Variants in FILIP1L observed in about 807,000 individuals in gnomAD.
FILIP1L encodes the protein filamin A-interacting protein 1-like.
In FILIP1L, 55 loss-of-function variants were observed where a neutral mutation model predicts 96.6. That is an observed-to-expected ratio of 0.57 (90% CI 0.46 to 0.71). The LOEUF (loss-of-function observed/expected upper bound fraction) is 0.71. Among genes scored for constraint, FILIP1L ranks in the 30% least tolerant of loss-of-function variants. The pLI, the probability that FILIP1L is intolerant of heterozygous loss-of-function variation, is 0.00. For missense variants in FILIP1L, 1,304 were observed against 1,321.2 expected (o/e 0.99, Z 0.20); for synonymous variants, 467 against 473.9 (o/e 0.99, Z 0.19).
intron 1 of FILIP1L, among the ~76,000 whole-genome samples, chr3:99,971,119 C>T (rs1176365722): frequency 6.6e-6 from 1 of 152,134 alleles, no homozygotes; most frequent in East Asian, 1.9e-4. Flanking sequence ...GGGCGGATCA[C>T]TAGGTCAGGA....
chr3:100,054,132 T>C (rs1353425503), intron 1 of FILIP1L, among the ~76,000 whole-genome samples: 1 of 152,212 alleles, frequency 6.6e-6, no homozygotes, highest in East Asian at 1.9e-4. Context: ...GCTTTCAAGA[T>C]AGCATGTAGT....
At chr3:99,835,855 C>T (rs942621626) in intron 5 of FILIP1L, among the ~76,000 whole-genome samples, 4 of 152,076 alleles carry the variant, frequency 2.6e-5, no homozygotes, top group African/African-American at 7.2e-5. Flanking sequence ...GAGGAAGTGA[C>T]ACATGAGGGA....
intron 4 of FILIP1L, among the ~76,000 whole-genome samples, chr3:99,921,510 G>A (rs946672811): frequency 6.6e-6 from 1 of 152,208 alleles, no homozygotes; most frequent in Non-Finnish European, 1.5e-5. Flanking sequence ...AGTCACATAT[G>A]CATCAAGGGA....
chr3:99,858,087 A>G (rs181518517), intron 4 of FILIP1L, among the ~76,000 whole-genome samples: 6 of 152,254 alleles, frequency 3.9e-5, no homozygotes, highest in African/African-American at 1.4e-4. Flanking sequence ...ACACTCAAAA[A>G]ATTTTGAGGA....
chr3:99,926,059 A>G (rs569074054), intron 3 of FILIP1L, among the ~76,000 whole-genome samples: 6 of 152,372 alleles, frequency 3.9e-5, no homozygotes, highest in African/African-American at 1.4e-4. Flanking sequence ...TGATTTTTAC[A>G]GTTTGCCTTT....
intron 1 of FILIP1L, among the ~76,000 whole-genome samples, chr3:100,064,557 A>C (rs1456358463): frequency 1.3e-5 from 2 of 152,150 alleles, no homozygotes; most frequent in Non-Finnish European, 2.9e-5. Flanking sequence ...CCACTATTAT[A>C]TGTAGAGAAC....
intron 4 of FILIP1L, among the ~76,000 whole-genome samples, chr3:99,923,551 A>G (rs940790558): frequency 6.6e-6 from 1 of 152,074 alleles, no homozygotes; most frequent in Non-Finnish European, 1.5e-5. Context: ...ACTAAACATC[A>G]TAAGTAGTTC....
chr3:99,855,481 A>G (rs1446527661), intron 4 of FILIP1L, among the ~76,000 whole-genome samples: 2 of 152,152 alleles, frequency 1.3e-5, no homozygotes, highest in East Asian at 3.8e-4. Context: ...TCTCATGACA[A>G]ATTTACAGGG....
At chr3:99,853,853 TTA>T (rs1256692191) in intron 4 of FILIP1L, among the ~76,000 whole-genome samples, 1 of 152,142 alleles carries the variant, frequency 6.6e-6, no homozygotes, top group African/African-American at 2.4e-5. Flanking sequence ...AAACAAGAAT[TTA>T]TATGCAGAAA....
chr3:99,969,610 T>C (rs1368418772), intron 1 of FILIP1L, among the ~76,000 whole-genome samples: 6 of 152,148 alleles, frequency 3.9e-5, no homozygotes, highest in African/African-American at 1.4e-4. Flanking sequence ...CAAGGAACTA[T>C]GGTTTTCCAG....
rs1006754245 is a variant in FILIP1L, at chr3:99,991,231, A to G, written c.-10-60201T>C. Among the ~76,000 whole-genome samples the G allele has an allele frequency of 1.2e-4, 19 of 152,354 alleles. No homozygotes were observed. In the East Asian group the frequency reaches 1.3e-3, roughly 11 times the overall value. ...TCTTCTTTAAGGAGAGAATGTTCTC[A>G]TTAGAAATGTATGACCATTTCAAAT... On this transcript the variant is annotated intron_variant, in intron 1 of 5. Transcript: ENST00000477258.
At chr3:99,930,261 CT>C (rs1307067347) in intron 2 of FILIP1L, among the ~76,000 whole-genome samples, 2 of 152,288 alleles carry the variant, frequency 1.3e-5, no homozygotes, top group African/African-American at 2.4e-5. Context: ...TGGAGGACTA[CT>C]TTTTTTATTA....
intron 4 of FILIP1L, among the ~76,000 whole-genome samples, chr3:99,877,834 C>T (rs1223217373): frequency 6.6e-6 from 1 of 152,156 alleles, no homozygotes; most frequent in African/African-American, 2.4e-5. Context: ...TGAATCTCAG[C>T]CCCAAACTGA....
chr3:100,012,398 A>G (rs1165295207), intron 1 of FILIP1L, among the ~76,000 whole-genome samples: 1 of 152,160 alleles, frequency 6.6e-6, no homozygotes, highest in African/African-American at 2.4e-5. Flanking sequence ...ACGAAACAAA[A>G]TATTATTTGT....
chr3:100,000,930 T>TTTAA lies in FILIP1L; in HGVS notation c.-10-69901_-10-69900insTTAA, dbSNP rs542665390. Among the ~76,000 whole-genome samples, 228 of 152,334 alleles carry TTTAA rather than the reference T, an allele frequency of 1.5e-3. 1 individual carries two copies. The highest frequency in any genetic ancestry group is 2.2e-3 in the Non-Finnish European group (148 of 68,032). ...TGTAGTTGACCTACGGCAAGACACTTGTAAGAGTAGCTCCTTGATTTAATG... is the reference window on the plus strand; with the variant it reads ...TGTAGTTGACCTACGGCAAGACACTTTTAAGTAAGAGTAGCTCCTTGATTTAATG... On this transcript the variant is annotated intron_variant, in intron 1 of 5. Transcript: ENST00000477258.
chr3:100,065,177 C>A (rs967010134), intron 1 of FILIP1L, among the ~76,000 whole-genome samples: 34 of 152,114 alleles, frequency 2.2e-4, no homozygotes, highest in African/African-American at 8.0e-4. Context: ...TGCGGGTTCC[C>A]AGGCCCCACC....
At chr3:99,916,074 C>T (rs145001575) in intron 4 of FILIP1L, among the ~76,000 whole-genome samples, 300 of 152,252 alleles carry the variant, frequency 2.0e-3, no homozygotes, top group African/African-American at 6.8e-3. Flanking sequence ...GCTGGTTAAA[C>T]ATTATTTTGA....
chr3:100,032,858 C>T (rs1013425441), intron 1 of FILIP1L, among the ~76,000 whole-genome samples: 2 of 152,116 alleles, frequency 1.3e-5, no homozygotes, highest in Non-Finnish European at 2.9e-5. Flanking sequence ...TGAGCTGCTA[C>T]TATTTGCTGC....
intron 4 of FILIP1L, among the ~76,000 whole-genome samples, chr3:99,889,458 C>CTCATATAAATAACGTATGTTAT (rs1365302937): frequency 6.6e-6 from 1 of 152,010 alleles, no homozygotes; most frequent in African/African-American, 2.4e-5. Flanking sequence ...TTACCATACC[C>CTCATATAAATAACGTATGTTAT]TTATGTTCTG....
Sources: allele counts gnomAD v4.1 joint callset (sites outside exome capture counted in the v4.1 genomes callset), GRCh38; gene constraint gnomAD v4.1.1; transcripts MANE v1.5; gene names NCBI Gene and HGNC (gene_info 2026-07-23, HGNC 2026-07-21).